SHISA9: variants seen among roughly 807,000 people sequenced by gnomAD.
SHISA9 encodes shisa family member 9, also known as protein shisa-9.
SHISA9 carries 13 observed loss-of-function variants against 38.0 expected under a neutral mutation model. The ratio of observed to expected loss-of-function variants is 0.34; its 90% CI spans 0.22 to 0.54. The LOEUF is 0.54. SHISA9 is among the 20% of genes least tolerant of loss of function. SHISA9 has a pLI of 0.91. For missense variants in SHISA9, 538 were observed against 575.8 expected (o/e 0.93, Z 0.67); for synonymous variants, 275 against 242.0 (o/e 1.14, Z -1.27).
chr16:13,106,437 A>T (rs2073926079), intron 2 of SHISA9, among the ~76,000 whole-genome samples: 1 of 152,162 alleles, frequency 6.6e-6, no homozygotes, highest in African/African-American at 2.4e-5. Flanking sequence ...TTTCCTTGTT[A>T]TAGGATAATA....
chr16:13,148,804 A>G (rs1314286353), intron 2 of SHISA9, among the ~76,000 whole-genome samples: 1 of 150,982 alleles, frequency 6.6e-6, no homozygotes, highest in Non-Finnish European at 1.5e-5. Flanking sequence ...GCCACACACA[A>G]TCCTAGCCTA....
At chr16:13,142,779 T>C (rs1016057675) in intron 2 of SHISA9, among the ~76,000 whole-genome samples, 4 of 152,184 alleles carry the variant, frequency 2.6e-5, no homozygotes, top group Non-Finnish European at 5.9e-5. Context: ...AACCTTACCA[T>C]GTTGAACACA....
intron 2 of SHISA9, among the ~76,000 whole-genome samples, chr16:13,175,139 G>A (rs532066422): frequency 1.3e-5 from 2 of 152,188 alleles, no homozygotes; most frequent in African/African-American, 4.8e-5. Flanking sequence ...GACCAAGGCA[G>A]GAGGATTGCT....
At chr16:13,066,699 G>A (rs997424888) in intron 2 of SHISA9, among the ~76,000 whole-genome samples, 2 of 152,212 alleles carry the variant, frequency 1.3e-5, no homozygotes, top group Non-Finnish European at 2.9e-5. Flanking sequence ...AAAGTACCTG[G>A]CATCATGCCT....
chr16:13,488,152 CTT>C, the SHISA9 span, among the ~76,000 whole-genome samples: 1 of 152,026 alleles, frequency 6.6e-6, no homozygotes, highest in Non-Finnish European at 1.5e-5. Flanking sequence ...CTTCCCCACT[CTT>C]TCCACCTGAG....
chr16:13,539,303 C>CATAT, the SHISA9 span, among the ~76,000 whole-genome samples: 222 of 53,440 alleles, frequency 4.2e-3, 25 homozygotes, highest in African/African-American at 0.012. Flanking sequence ...CTAAATTTTA[C>CATAT]ATATATATAT....
the SHISA9 span, among the ~76,000 whole-genome samples, chr16:13,511,788 G>A: frequency 2.7e-5 from 4 of 150,822 alleles, no homozygotes; most frequent in Non-Finnish European, 5.9e-5. Context: ...GAAGGTGAGG[G>A]TGGGGGCAGA....
intron 2 of SHISA9, among the ~76,000 whole-genome samples, chr16:13,099,195 A>C (rs942830453): frequency 6.6e-6 from 1 of 152,230 alleles, no homozygotes; most frequent in African/African-American, 2.4e-5. Flanking sequence ...AGTAGTTGTG[A>C]CAATGACAGG....
chr16:13,537,745 T>C, the SHISA9 span, among the ~76,000 whole-genome samples: 2 of 152,204 alleles, frequency 1.3e-5, no homozygotes, highest in Non-Finnish European at 2.9e-5. Context: ...GTACCATATG[T>C]AAATTATATC....
At chr16:13,410,410 A>T in the SHISA9 span, among the ~76,000 whole-genome samples, 1 of 152,202 alleles carries the variant, frequency 6.6e-6, no homozygotes, top group Non-Finnish European at 1.5e-5. Context: ...CCAATGAGGC[A>T]ACAGTTCTTT....
At chr16:13,549,122 C>T in the SHISA9 span, among the ~76,000 whole-genome samples, 12,144 of 152,150 alleles carry the variant, frequency 0.08, 625 homozygotes, top group Admixed American at 0.16. Flanking sequence ...CACAGAAAGA[C>T]GAATACCACA....
At chr16:13,282,522 T>A in the SHISA9 span, among the ~76,000 whole-genome samples, 1 of 152,056 alleles carries the variant, frequency 6.6e-6, no homozygotes, top group Non-Finnish European at 1.5e-5. Context: ...TACTGTTATA[T>A]ATTTATCACA....
chr16:12,956,347 A>T (rs948705703), intron 2 of SHISA9, among the ~76,000 whole-genome samples: 2 of 152,232 alleles, frequency 1.3e-5, no homozygotes, highest in African/African-American at 2.4e-5. Context: ...TAAAAATAGA[A>T]CTACCATTTG....
chr16:13,432,593 T>G, the SHISA9 span, among the ~76,000 whole-genome samples: 2 of 152,000 alleles, frequency 1.3e-5, no homozygotes, highest in Non-Finnish European at 2.9e-5. Context: ...TTGTTTTTGC[T>G]TTTTTTTATG....
intron 2 of SHISA9, among the ~76,000 whole-genome samples, chr16:12,938,817 G>C (rs1324630763): frequency 1.3e-5 from 2 of 151,920 alleles, no homozygotes; most frequent in African/African-American, 4.8e-5. Flanking sequence ...TCCATGCCAT[G>C]TTGCCTTTGA....
chr16:13,213,428 G>T (rs1485596495), intron 4 of SHISA9, 128 bp downstream of exon 4: 8 of 797,860 alleles, frequency 1.0e-5, no homozygotes, highest in Non-Finnish European at 1.6e-5. Context: ...GGTGGCATCT[G>T]CAAGTCCGTC....
chr16:13,483,785 G>A, the SHISA9 span, among the ~76,000 whole-genome samples: 1 of 152,178 alleles, frequency 6.6e-6, no homozygotes, highest in African/African-American at 2.4e-5. Flanking sequence ...AACTGAACAT[G>A]TAGAGGTTTC....
chr16:13,095,478 C>T (rs565732931), intron 2 of SHISA9, among the ~76,000 whole-genome samples: 86 of 152,308 alleles, frequency 5.6e-4, no homozygotes, highest in Non-Finnish European at 9.0e-4. Context: ...GAAGGGAAAA[C>T]GAAAAGGGAA....
intron 2 of SHISA9, among the ~76,000 whole-genome samples, chr16:13,027,391 G>A (rs2072935891): frequency 6.6e-6 from 1 of 152,118 alleles, no homozygotes; most frequent in Non-Finnish European, 1.5e-5. Flanking sequence ...ATAAACTGAA[G>A]CATAAAATCC....
Sources: gnomAD v4.1 joint callset for allele counts (sites outside exome capture counted in the v4.1 genomes callset) on GRCh38, gnomAD v4.1.1 for gene constraint, MANE v1.5 for transcripts, NCBI Gene and HGNC (gene_info 2026-07-23, HGNC 2026-07-21) for gene names.